Variants in ANKRD22 observed in about 807,000 individuals in gnomAD.
ANKRD22 encodes ankyrin repeat domain 22, also known as ankyrin repeat domain-containing protein 22.
A neutral mutation model predicts 25.7 loss-of-function variants in ANKRD22; 24 were observed. That is an observed-to-expected ratio of 0.93 (90% CI 0.68 to 1.31). ANKRD22 has a LOEUF of 1.31. Among genes scored for constraint, ANKRD22 ranks in the 50% most tolerant of loss-of-function variants. The pLI is 0.00. For missense variants in ANKRD22, 214 were observed against 227.1 expected, an observed-to-expected ratio of 0.94 and a Z score of 0.37; for synonymous variants, 84 against 84.3, an observed-to-expected ratio of 1.00 and a Z score of 0.02.
At chr10:88,842,912 C>T (rs1844015449) in intron 1 of ANKRD22, among the ~76,000 whole-genome samples, 1 of 152,102 alleles carries the variant, frequency 6.6e-6, no homozygotes, top group South Asian at 2.1e-4. Flanking sequence ...CTGTGATTTG[C>T]AGTTTCAATA....
chr10:88,837,989 C>T, intron 1 of ANKRD22, among the ~76,000 whole-genome samples: 1 of 152,136 alleles, frequency 6.6e-6, no homozygotes, highest in East Asian at 1.9e-4. Flanking sequence ...TCTTTATTAG[C>T]AGCATGAGAA....
At chr10:88,826,789 C>T (rs1363086306) in intron 3 of ANKRD22, among the ~76,000 whole-genome samples, 1 of 152,068 alleles carries the variant, frequency 6.6e-6, no homozygotes, top group Non-Finnish European at 1.5e-5. Context: ...TCTGTATCAC[C>T]CGCTTTATGG....
chr10:88,848,361 T>C (rs1844073071), intron 1 of ANKRD22, among the ~76,000 whole-genome samples: 1 of 152,050 alleles, frequency 6.6e-6, no homozygotes, highest in Non-Finnish European at 1.5e-5. Context: ...GTGAAAGTTA[T>C]CATTTTCTCT....
chr10:88,820,245 G>A lies in ANKRD22; in HGVS notation c.*2696C>T, dbSNP rs1294763450. ...CCTTTTCTCTAGCCAACTCCTGTAAGGTACAGAGTCAGAGATATGACGGTC... is the reference window on the plus strand; with the variant it reads ...CCTTTTCTCTAGCCAACTCCTGTAAAGTACAGAGTCAGAGATATGACGGTC... On this transcript the variant is annotated 3_prime_UTR_variant, in exon 6 of 6. Coordinates refer to ENST00000371930, the MANE Select transcript of ANKRD22 (RefSeq NM_144590.3). 7.7e-6 allele frequency: 12 copies of A among 1,551,126 alleles called. No homozygotes were observed. Among genetic ancestry groups the A allele is most frequent in the Non-Finnish European group, 9.6e-6 (11 of 1,146,902 alleles).
chr10:88,823,124 C>A, intron 5 of ANKRD22, 106 bp from the exon 6 acceptor site: 1 of 1,275,994 alleles, frequency 7.8e-7, no homozygotes, highest in South Asian at 1.2e-5. Flanking sequence ...AAAAGGCAAT[C>A]AGTCCTAATA....
rs769409232 is a variant in ANKRD22, at chr10:88,826,074, T to G, written c.363A>C (p.Leu121=). The G allele has an allele frequency of 5.6e-6, 9 of 1,613,114 alleles. No homozygotes were observed. In the Admixed American group the frequency reaches 1.5e-4, roughly 27 times the overall value. The part of the protein sequence containing the change: ...TKQNEALVRM[L]LDAGVEVNAT... ...CATTAACTTCGACGCCAGCATCAAG[T>G]AGCATTCGTACAAGAGCCTCATTCT... The change falls in exon 4 of 6, where the codon CTA becomes CTC. Residue 121 remains leucine (L), a synonymous_variant. Coordinates refer to ENST00000371930, the MANE Select transcript of ANKRD22 (RefSeq NM_144590.3).
rs547915695 is a variant in ANKRD22, at chr10:88,820,111, C to G, written c.*2830G>C. 2.6e-6 allele frequency: 2 copies of G among 754,788 alleles called. No homozygotes were observed. Among genetic ancestry groups the G allele is most frequent in the Non-Finnish European group, 4.2e-6 (2 of 479,374 alleles). 46.8% of individuals were successfully genotyped at this position (754,788 alleles called of 1,614,324 possible). On this transcript the variant is annotated 3_prime_UTR_variant, in exon 6 of 6. Coordinates refer to ENST00000371930, the MANE Select transcript of ANKRD22 (RefSeq NM_144590.3). ...AAATTCTTAACAGAGTTGTGTGGCT[C>G]TAACACCCATGTACCCTTCACCACA...
intron 1 of ANKRD22, among the ~76,000 whole-genome samples, chr10:88,846,197 T>C (rs943872154): frequency 3.9e-5 from 6 of 152,150 alleles, no homozygotes; most frequent in Admixed American, 1.3e-4. Flanking sequence ...ACTTTATTTA[T>C]AATACTTACT....
intron 1 of ANKRD22, among the ~76,000 whole-genome samples, chr10:88,844,999 G>C (rs1000573694): frequency 6.6e-6 from 1 of 151,968 alleles, no homozygotes; most frequent in Non-Finnish European, 1.5e-5. Context: ...ATACATTCCT[G>C]CTGTGGGCTC....
At chr10:88,848,128 G>C (rs887024800) in intron 1 of ANKRD22, among the ~76,000 whole-genome samples, 1 of 149,544 alleles carries the variant, frequency 6.7e-6, no homozygotes, top group African/African-American at 2.5e-5. Context: ...TTTCAGATTA[G>C]GGATGCCCAA....
intron 1 of ANKRD22, among the ~76,000 whole-genome samples, chr10:88,842,959 A>G (rs1351918674): frequency 6.6e-6 from 1 of 152,158 alleles, no homozygotes. Flanking sequence ...ATTTTGGATC[A>G]TACTAATACT....
intron 1 of ANKRD22, among the ~76,000 whole-genome samples, chr10:88,851,174 A>G (rs764712570): frequency 1.3e-4 from 20 of 152,148 alleles, no homozygotes; most frequent in Non-Finnish European, 2.5e-4. Context: ...GCTGAAAGGC[A>G]TTACTCTGGT....
rs757759127 is a variant in ANKRD22 at position 88,823,022 on chromosome 10, AGGGG to A, written c.499-8_499-5del. On this transcript the variant is annotated splice_polypyrimidine_tract_variant and splice_region_variant and intron_variant, in intron 5 of 5. Coordinates refer to ENST00000371930, the MANE Select transcript of ANKRD22 (RefSeq NM_144590.3). ...TATCCAGTGAGCTCTCACCATGCTG[AGGGG>A]GGAAAAATATACAGTTATTTCCAAT... is the stretch of plus-strand genomic sequence containing the variant. 2.4e-5 allele frequency: 38 copies of A among 1,612,054 alleles called. No homozygotes were observed. The highest frequency in any genetic ancestry group is 3.1e-5 in the Non-Finnish European group (37 of 1,178,246).
At chr10:88,831,724 C>T (rs1381022588) in intron 2 of ANKRD22, 111 bp downstream of exon 2, 28 of 1,072,666 alleles carry the variant, frequency 2.6e-5, no homozygotes, top group Non-Finnish European at 3.5e-5. Context: ...GATAATTGTT[C>T]GTATTAGGAG....
chr10:88,849,214 T>C (rs758956963), intron 1 of ANKRD22, among the ~76,000 whole-genome samples: 9 of 152,146 alleles, frequency 5.9e-5, no homozygotes, highest in Non-Finnish European at 1.0e-4. Flanking sequence ...CTCTTTTAAG[T>C]TCTCAGCATT....
At chr10:88,838,229 T>A (rs1356360753) in intron 1 of ANKRD22, among the ~76,000 whole-genome samples, 1 of 152,138 alleles carries the variant, frequency 6.6e-6, no homozygotes, top group Non-Finnish European at 1.5e-5. Context: ...GAGCCTGCCA[T>A]GTGAGTTTGT....
At chr10:88,847,986 A>G (rs1844067407) in intron 1 of ANKRD22, among the ~76,000 whole-genome samples, 2 of 151,806 alleles carry the variant, frequency 1.3e-5, no homozygotes, top group African/African-American at 4.8e-5. Flanking sequence ...TCTCTTGTTA[A>G]TTCTGAGTAA....
chr10:88,851,534 G>A, intron 1 of ANKRD22, 53 bp downstream of exon 1: 1 of 1,597,818 alleles, frequency 6.3e-7, no homozygotes, highest in East Asian at 2.2e-5. Flanking sequence ...CATCTGAAAA[G>A]CATGAGTAAC....
At chr10:88,849,968 C>G (rs763575137) in intron 1 of ANKRD22, among the ~76,000 whole-genome samples, 1 of 151,106 alleles carries the variant, frequency 6.6e-6, no homozygotes, top group Non-Finnish European at 1.5e-5. Flanking sequence ...CCTATGTCCC[C>G]AATCTAGAGG....
Sources: allele counts gnomAD v4.1 joint callset (sites outside exome capture counted in the v4.1 genomes callset), GRCh38; gene constraint gnomAD v4.1.1; transcripts MANE v1.5; gene names NCBI Gene and HGNC (gene_info 2026-07-23, HGNC 2026-07-21).